The following THRB variants were observed in gnomAD, a reference collection of about 807,000 sequenced individuals.
THRB encodes nuclear receptor subfamily 1 group A member 2.
A neutral mutation model predicts 47.8 loss-of-function variants in THRB; 12 were observed. That is an observed-to-expected ratio of 0.25 (90% CI 0.16 to 0.41). THRB has a LOEUF of 0.41. THRB is among the 10% of genes least tolerant of loss of function. The pLI, the probability that THRB is intolerant of heterozygous loss-of-function variation, is 1.00. For missense variants in THRB, 348 were observed against 589.2 expected (o/e 0.59, Z 4.24); for synonymous variants, 218 against 212.2 (o/e 1.03, Z -0.24).
intron 1 of THRB, among the ~76,000 whole-genome samples, chr3:24,436,654 C>T (rs1230388086): frequency 6.6e-6 from 1 of 152,124 alleles, no homozygotes; most frequent in Non-Finnish European, 1.5e-5. Flanking sequence ...TCTTGCACTG[C>T]CCTTGAACAT....
intron 2 of THRB, among the ~76,000 whole-genome samples, chr3:24,330,574 T>G (rs577836332): frequency 6.6e-6 from 1 of 152,314 alleles, no homozygotes; most frequent in South Asian, 2.1e-4. Flanking sequence ...TGTTTTACAG[T>G]TGGTGTGTGT....
At chr3:24,383,348 A>C (rs967090493) in intron 1 of THRB, among the ~76,000 whole-genome samples, 1 of 152,164 alleles carries the variant, frequency 6.6e-6, no homozygotes, top group African/African-American at 2.4e-5. Flanking sequence ...TGTATTAAAA[A>C]TATCTGGAAG....
At position 24,431,261 on chromosome 3, in the gene THRB, TACACAC is replaced by T. The variant is rs199810848; in HGVS notation, c.-261+63385_-261+63390del. Among the ~76,000 whole-genome samples, 1,325 of 135,764 alleles carry T rather than the reference TACACAC, an allele frequency of 9.8e-3. 31 individuals carry two copies. The highest frequency in any genetic ancestry group is 0.053 in the South Asian group (199 of 3,766). 89.1% of individuals were successfully genotyped at this position (135,764 alleles called of 152,430 possible). A position where few individuals can be genotyped will look rare whatever the true frequency, so the allele number is the denominator to read the frequency against. Reference sequence around the variant, plus strand: ...GGATCAGTCTCTCTCTCTCTCTCTCTACACACACACACACACACACACACACACACA... The same window carrying T: ...GGATCAGTCTCTCTCTCTCTCTCTCTACACACACACACACACACACACACA... On this transcript the variant is annotated intron_variant, in intron 1 of 10. Coordinates refer to ENST00000646209, the MANE Select transcript of THRB (RefSeq NM_001354712.2).
At position 24,375,233 on chromosome 3, in the gene THRB, G is replaced by A. The variant is rs374588665; in HGVS notation, c.-260-37862C>T. On this transcript the variant is annotated intron_variant, in intron 1 of 10. Coordinates refer to ENST00000646209, the MANE Select transcript of THRB (RefSeq NM_001354712.2). ...CACTATCTTTTAAATTACAGTTTTG[G>A]ATTTGGCTGCTTTGTTGTAACAAAA... 8.6e-5 allele frequency among the ~76,000 whole-genome samples: 13 copies of A among 150,654 alleles called. No individual in the cohort carries two copies. In the East Asian group the frequency reaches 1.4e-3, roughly 16 times the overall value.
intron 9 of THRB, among the ~76,000 whole-genome samples, chr3:24,128,843 GAGA>G (rs982564508): frequency 7.4e-6 from 1 of 134,938 alleles, no homozygotes; most frequent in Non-Finnish European, 1.6e-5. Context: ...CCAATGCCAA[GAGA>G]AGAAGGAAAC....
rs1046962599 is a variant in THRB, at chr3:24,259,146, C to T, written c.-42-30145G>A. On this transcript the variant is annotated intron_variant, in intron 3 of 10. Coordinates refer to ENST00000646209, the MANE Select transcript of THRB (RefSeq NM_001354712.2). ...AAATTCGAGGATGGAGCATCAGTCT[C>T]GACAGAATTTATTTTCAGGTGCTGC... 2.6e-4 allele frequency among the ~76,000 whole-genome samples: 40 copies of T among 152,090 alleles called. 1 individual carries two copies. Among genetic ancestry groups the T allele is most frequent in the African/African-American group, 7.2e-4 (30 of 41,424 alleles).
chr3:24,156,837 C>T (rs550873885), intron 5 of THRB, among the ~76,000 whole-genome samples: 1 of 152,258 alleles, frequency 6.6e-6, no homozygotes, highest in South Asian at 2.1e-4. Context: ...TTGTTTTCCC[C>T]ACCAGCACCT....
At chr3:24,417,139 C>CGTGCGT (rs367902712) in intron 1 of THRB, among the ~76,000 whole-genome samples, 1 of 74,288 alleles carries the variant, frequency 1.3e-5, no homozygotes, top group Non-Finnish European at 3.3e-5. Flanking sequence ...CACACACACA[C>CGTGCGT]GCGCAACGCG....
chr3:24,398,848 A>G (rs1443621075), intron 1 of THRB, among the ~76,000 whole-genome samples: 1 of 152,142 alleles, frequency 6.6e-6, no homozygotes, highest in African/African-American at 2.4e-5. Flanking sequence ...ACAATGATAG[A>G]CTGGATTAAG....
At position 24,122,617 on chromosome 3, in the gene THRB, G is replaced by T; in HGVS notation, c.*267C>A. The T allele has an allele frequency of 2.0e-6, 1 of 497,870 alleles. No individual in the cohort carries two copies. Among genetic ancestry groups the T allele is most frequent in the Non-Finnish European group, 3.7e-6 (1 of 273,508 alleles). The allele number at this position is 497,870 out of a possible 1,614,324, so 30.8% of individuals were successfully genotyped here. A position where few individuals can be genotyped will look rare whatever the true frequency, so the allele number is the denominator to read the frequency against. On this transcript the variant is annotated 3_prime_UTR_variant, in exon 11 of 11. Coordinates refer to ENST00000646209, the MANE Select transcript of THRB (RefSeq NM_001354712.2). ...GTGGGAGCTGGTGATGCTTGGTGCT[G>T]GTGAGTTAATGATTGTCCCCCACCC...
At chr3:24,143,411 C>A in intron 8 of THRB, 90 bp downstream of exon 8, 2 of 1,283,294 alleles carry the variant, frequency 1.6e-6, no homozygotes, top group Non-Finnish European at 2.3e-6. Context: ...GAGGCAATAA[C>A]ACCAGTATCC....
chr3:24,172,408 G>A (rs1269545056), intron 5 of THRB, among the ~76,000 whole-genome samples: 2 of 152,088 alleles, frequency 1.3e-5, no homozygotes, highest in Non-Finnish European at 2.9e-5. Flanking sequence ...CTTGAATTAA[G>A]TCTGTTTCAG....
At chr3:24,367,157 A>G (rs1033718201) in intron 1 of THRB, among the ~76,000 whole-genome samples, 1 of 152,202 alleles carries the variant, frequency 6.6e-6, no homozygotes, top group Admixed American at 6.6e-5. Flanking sequence ...CTTTCAGCAT[A>G]GGCTGGAAGC....
intron 3 of THRB, among the ~76,000 whole-genome samples, chr3:24,279,469 C>T (rs545253886): frequency 9.9e-5 from 15 of 152,122 alleles, no homozygotes; most frequent in East Asian, 3.9e-4. Context: ...ACTGCAAGCT[C>T]CACCTCCCGG....
chr3:24,142,487 T>C (rs774112935), intron 8 of THRB, among the ~76,000 whole-genome samples: 1 of 152,240 alleles, frequency 6.6e-6, no homozygotes, highest in African/African-American at 2.4e-5. Context: ...CACTATCTCA[T>C]TGTAATGTTA....
chr3:24,135,842 TATATA>T (rs200734500), intron 8 of THRB, among the ~76,000 whole-genome samples: 2,499 of 123,364 alleles, frequency 0.02, 100 homozygotes, highest in African/African-American at 0.072. Flanking sequence ...TATATATATA[TATATA>T]ATACATAAAT....
At chr3:24,246,551 G>T (rs1319164178) in intron 3 of THRB, among the ~76,000 whole-genome samples, 1 of 152,130 alleles carries the variant, frequency 6.6e-6, no homozygotes, top group Non-Finnish European at 1.5e-5. Flanking sequence ...TTAATGACGG[G>T]ATAACCCAGT....
intron 1 of THRB, among the ~76,000 whole-genome samples, chr3:24,388,783 C>T (rs959602342): frequency 6.6e-6 from 1 of 152,048 alleles, no homozygotes; most frequent in Non-Finnish European, 1.5e-5. Flanking sequence ...CATCCCTAAC[C>T]TCAAGGCAGG....
intron 1 of THRB, among the ~76,000 whole-genome samples, chr3:24,419,158 G>C (rs927120057): frequency 4.0e-5 from 6 of 151,898 alleles, no homozygotes; most frequent in Non-Finnish European, 8.8e-5. Flanking sequence ...AAAAGAAATT[G>C]AGAAATATTG....
Sources: gnomAD v4.1 joint callset for allele counts (sites outside exome capture counted in the v4.1 genomes callset) on GRCh38, gnomAD v4.1.1 for gene constraint, MANE v1.5 for transcripts, NCBI Gene and HGNC (gene_info 2026-07-23, HGNC 2026-07-21) for gene names.